Variants in GPM6A observed in about 807,000 individuals in gnomAD.
GPM6A encodes the protein neuronal membrane glycoprotein M6-a.
Under a neutral mutation model 32.1 loss-of-function variants are expected in GPM6A, and 7 were observed. The observed-to-expected ratio is 0.22, with a 90% CI of 0.12 to 0.41. The LOEUF (loss-of-function observed/expected upper bound fraction) is 0.41. Among genes scored for constraint, GPM6A ranks in the 10% least tolerant of loss-of-function variants. GPM6A has a pLI of 1.00. For synonymous variants in GPM6A, 130 were observed against 123.4 expected (o/e 1.05, Z -0.35); for missense variants, 235 against 347.2 (o/e 0.68, Z 2.57).
At chr4:175,967,610 T>C (rs1740369126) in intron 1 of GPM6A, among the ~76,000 whole-genome samples, 1 of 152,172 alleles carries the variant, frequency 6.6e-6, no homozygotes, top group Admixed American at 6.5e-5. Context: ...AGTCAATCAC[T>C]TTCTTATATG....
Position 175,651,838 on chromosome 4 carries a change from C to G in GPM6A, c.537G>C (p.Gln179His), listed in dbSNP as rs1242724186. 1 of 1,611,788 alleles carries G rather than the reference C, an allele frequency of 6.2e-7. No individual in the cohort carries two copies. The highest frequency in any genetic ancestry group is 8.5e-7 in the Non-Finnish European group (1 of 1,178,820). ...AGAGATCCAATATCCACTTACCAAA[C>G]TGACGAAGGTCCAAGCAGAGATTTG... is the stretch of plus-strand genomic sequence containing the variant. ...EGANLCLDLR[Q>H]FGIVTIGEEK... Residue 179 changes from glutamine (Q) to histidine (H), a missense_variant, in exon 4 of 7, where the codon CAG becomes CAC. This residue lies in a region of GPM6A where 107 missense variants were observed against 116.7 expected (regional missense o/e 0.92). Coordinates refer to ENST00000393658, the MANE Select transcript of GPM6A (RefSeq NM_201591.3).
At chr4:175,953,635 C>G (rs6845325) in intron 1 of GPM6A, among the ~76,000 whole-genome samples, 77,752 of 152,050 alleles carry the variant, frequency 0.51, 22,723 homozygotes, top group Admixed American at 0.63. Context: ...GGCGCAGTGG[C>G]TCACACCTGC....
rs552745151 is a variant in GPM6A at position 175,642,604 on chromosome 4, T to C, written c.542-1775A>G. Among the ~76,000 whole-genome samples the C allele has an allele frequency of 2.6e-5, 4 of 152,318 alleles. No individual in the cohort carries two copies. The East Asian group carries it at 5.8e-4, about 22-fold the overall frequency. On this transcript the variant is annotated intron_variant, in intron 4 of 6. Coordinates refer to ENST00000393658, the MANE Select transcript of GPM6A (RefSeq NM_201591.3). Reference sequence around the variant, plus strand: ...TTCCTTCATGCTCTCTTCATTTGTCTTCTAAAATCTACAGTTTTCAGTTTT... The same window carrying C: ...TTCCTTCATGCTCTCTTCATTTGTCCTCTAAAATCTACAGTTTTCAGTTTT...
intron 6 of GPM6A, among the ~76,000 whole-genome samples, chr4:175,636,260 GTATATA>G (rs34516159): frequency 0.029 from 2,983 of 101,214 alleles, 65 homozygotes; most frequent in African/African-American, 0.051. Context: ...CATAATCACT[GTATATA>G]TATATATATA....
At chr4:175,782,212 C>T (rs541382255) in intron 1 of GPM6A, among the ~76,000 whole-genome samples, 1 of 152,246 alleles carries the variant, frequency 6.6e-6, no homozygotes, top group South Asian at 2.1e-4. Flanking sequence ...ACAGACCATT[C>T]TTCCATATAC....
At chr4:175,969,890 A>C (rs931003150) in intron 1 of GPM6A, among the ~76,000 whole-genome samples, 1 of 152,186 alleles carries the variant, frequency 6.6e-6, no homozygotes, top group African/African-American at 2.4e-5. Context: ...CTCTAAAAAT[A>C]ATGTCTATTA....
At position 175,989,182 on chromosome 4, in the gene GPM6A, T is replaced by TAAA. The variant is rs557003459; in HGVS notation, c.-23+13124_-23+13126dup. On this transcript the variant is annotated intron_variant, in intron 1 of 7. Coordinates refer to the GPM6A transcript ENST00000280187. ...ATAATTACAAATATCCTATTAGCTT[T>TAAA]AAAAAAAATTACTATTCAGAATGCT... is the stretch of plus-strand genomic sequence containing the variant. Among the ~76,000 whole-genome samples the TAAA allele has an allele frequency of 1.2e-4, 19 of 152,186 alleles. No individual in the cohort carries two copies. In the East Asian group the frequency reaches 3.5e-3, roughly 28 times the overall value.
chr4:175,682,602 C>T (rs1743749492), intron 2 of GPM6A, among the ~76,000 whole-genome samples: 1 of 152,154 alleles, frequency 6.6e-6, no homozygotes, highest in African/African-American at 2.4e-5. Context: ...GGGACAAGTC[C>T]AGGGCCCCAC....
At chr4:175,928,167 A>T (rs953234920) in intron 1 of GPM6A, among the ~76,000 whole-genome samples, 1 of 152,190 alleles carries the variant, frequency 6.6e-6, no homozygotes, top group African/African-American at 2.4e-5. Context: ...GGAAGTGAGC[A>T]TTTTTCTCTT....
chr4:175,863,628 C>T (rs1358132068), intron 1 of GPM6A, among the ~76,000 whole-genome samples: 2 of 152,110 alleles, frequency 1.3e-5, no homozygotes, highest in Admixed American at 6.5e-5. Context: ...TATGAAAGCA[C>T]ATGTTTAATT....
chr4:175,777,636 T>C (rs17659135), intron 1 of GPM6A, among the ~76,000 whole-genome samples: 3,067 of 152,164 alleles, frequency 0.02, 56 homozygotes, highest in Non-Finnish European at 0.031. Context: ...GTAATGCAGT[T>C]GATTTTTAAC....
intron 1 of GPM6A, among the ~76,000 whole-genome samples, chr4:175,705,857 C>G (rs1321363319): frequency 1.3e-5 from 2 of 151,982 alleles, no homozygotes; most frequent in Non-Finnish European, 2.9e-5. Context: ...ATAAAGATTA[C>G]TTTGAACAGG....
At chr4:175,976,151 T>C (rs1357970610) in intron 1 of GPM6A, among the ~76,000 whole-genome samples, 1 of 151,224 alleles carries the variant, frequency 6.6e-6, no homozygotes, top group Non-Finnish European at 1.5e-5. Flanking sequence ...GGCTTAAATA[T>C]GTCGTCTTTT....
At chr4:175,875,140 C>T (rs1037865745) in intron 1 of GPM6A, among the ~76,000 whole-genome samples, 1 of 152,170 alleles carries the variant, frequency 6.6e-6, no homozygotes, top group Non-Finnish European at 1.5e-5. Flanking sequence ...TGCAAGAATA[C>T]TATAAGGATG....
At position 175,837,510 on chromosome 4, in the gene GPM6A, C is replaced by A. The variant is rs975940767; in HGVS notation, c.-22-25261G>T. 2.0e-5 allele frequency among the ~76,000 whole-genome samples: 3 copies of A among 152,110 alleles called. No individual in the cohort carries two copies. In the South Asian group the frequency reaches 6.2e-4, roughly 32 times the overall value. ...AGAAGGGAGAGAATGATGGATCCAACCAAAAGAGGGGCTGTGGGGTTAGTG... is the reference window on the plus strand; with the variant it reads ...AGAAGGGAGAGAATGATGGATCCAAACAAAAGAGGGGCTGTGGGGTTAGTG... On this transcript the variant is annotated intron_variant, in intron 1 of 7. Transcript: ENST00000280187.
At chr4:175,723,972 C>A (rs576901750) in intron 1 of GPM6A, among the ~76,000 whole-genome samples, 83 of 152,164 alleles carry the variant, frequency 5.5e-4, no homozygotes, top group African/African-American at 2.0e-3. Flanking sequence ...GGTATATACT[C>A]AAAGGAAAGG....
chr4:175,673,528 A>G (rs1743195487), intron 3 of GPM6A, 152 bp downstream of exon 3: 1 of 499,922 alleles, frequency 2.0e-6, no homozygotes, highest in Non-Finnish European at 3.5e-6. Context: ...CTTAATTTCA[A>G]AAATAATGTT....
At chr4:175,943,048 T>C (rs1463031777) in intron 1 of GPM6A, among the ~76,000 whole-genome samples, 2 of 152,298 alleles carry the variant, frequency 1.3e-5, no homozygotes, top group Middle Eastern at 3.4e-3. Context: ...GTGTCCTCTC[T>C]TATTTCCTTG....
At chr4:175,993,087 T>C (rs1445760012) in intron 1 of GPM6A, among the ~76,000 whole-genome samples, 1 of 152,050 alleles carries the variant, frequency 6.6e-6, no homozygotes, top group Non-Finnish European at 1.5e-5. Context: ...AAATCTTTGC[T>C]TGACCTTGGA....
Sources: allele counts gnomAD v4.1 joint callset (sites outside exome capture counted in the v4.1 genomes callset), GRCh38; gene constraint gnomAD v4.1.1; regional missense constraint gnomAD v4.1.1; transcripts MANE v1.5; gene names NCBI Gene and HGNC (gene_info 2026-07-23, HGNC 2026-07-21).